COL5A2: variants seen among roughly 807,000 people sequenced by gnomAD.
COL5A2 encodes the protein collagen alpha-2(V) chain.
COL5A2 carries 23 observed loss-of-function variants against 208.2 expected under a neutral mutation model. That is an observed-to-expected ratio of 0.11 (90% CI 0.08 to 0.16). The LOEUF is 0.16. Ranked by LOEUF, COL5A2 falls within the 10% of genes least tolerant of loss-of-function variation. The pLI is 1.00. For missense variants in COL5A2, 1,590 were observed against 1,956.4 expected, an observed-to-expected ratio of 0.81 and a Z score of 3.53; for synonymous variants, 625 against 628.5, an observed-to-expected ratio of 0.99 and a Z score of 0.08.
rs752167216 is a variant in COL5A2 at position 189,064,595 on chromosome 2, G to T, written c.1678C>A (p.Pro560Thr). 6.2e-7 allele frequency: 1 copy of T among 1,613,940 alleles called. No individual in the cohort carries two copies. Among genetic ancestry groups the T allele is most frequent in the South Asian group, 1.1e-5 (1 of 91,078 alleles). Residue 560 changes from proline (P) to threonine (T), a missense_variant, in exon 25 of 54, where the codon CCA (proline) becomes ACA (threonine). Coordinates refer to ENST00000374866, the MANE Select transcript of COL5A2 (RefSeq NM_000393.5). ...AGCCCAGGTTCCCCTGGACGTCCTG[G>T]ATCCCCCTGGCTTCCTTTGGGTCCT... ...SSGPKGSQGDPGRPGEPGLPG... is the reference protein window; with the variant it reads ...SSGPKGSQGDTGRPGEPGLPG...
In COL5A2 at chr2:189,179,578, T is replaced by C. The variant is rs1199682443; in HGVS notation, c.27A>G (p.Arg9=). 1 of 1,608,874 alleles carries C rather than the reference T, an allele frequency of 6.2e-7. No individual in the cohort carries two copies. The highest frequency in any genetic ancestry group is 1.7e-5 in the Admixed American group (1 of 59,550). MMANWAEA[R]PLLILIVLLG... ...ATAAAACAATAAGAATGAGGAGAGG[T>C]CTTGCTTCCGCCCAGTTTGCCATCA... Residue 9 remains arginine, a synonymous_variant, in exon 1 of 54, where the codon AGA becomes AGG. Coordinates refer to ENST00000374866, the MANE Select transcript of COL5A2 (RefSeq NM_000393.5).
At chr2:189,192,585 T>G (rs2105847358) in intron 1 of COL5A2, among the ~76,000 whole-genome samples, 1 of 152,380 alleles carries the variant, frequency 6.6e-6, no homozygotes, top group South Asian at 2.1e-4. Flanking sequence ...TTCTCATTAC[T>G]TATTTTACCT....
intron 16 of COL5A2, among the ~76,000 whole-genome samples, 174 bp from the exon 17 acceptor site, chr2:189,075,611 A>G (rs1255394055): frequency 6.6e-6 from 1 of 152,210 alleles, no homozygotes; most frequent in Admixed American, 6.5e-5. Flanking sequence ...ACAAGCTGAT[A>G]TGGTAGTCAT....
chr2:189,059,571 T>TTTTTTC (rs1685977147), intron 31 of COL5A2, among the ~76,000 whole-genome samples: 1 of 147,662 alleles, frequency 6.8e-6, no homozygotes, highest in Admixed American at 6.8e-5. Flanking sequence ...AAAACCCTTC[T>TTTTTTC]TTTTTCTTTT....
chr2:189,268,187 C>T, the COL5A2 span, among the ~76,000 whole-genome samples: 1 of 152,120 alleles, frequency 6.6e-6, no homozygotes. Flanking sequence ...TTAGTATGAA[C>T]TCTTTGTTTA....
chr2:189,181,821 A>G (rs1027296454), upstream of COL5A2, among the ~76,000 whole-genome samples: 5 of 152,236 alleles, frequency 3.3e-5, no homozygotes, highest in African/African-American at 9.6e-5. Flanking sequence ...AAATTTAACT[A>G]TAAACATGGC....
chr2:189,153,395 T>C (rs1688183373), intron 1 of COL5A2, among the ~76,000 whole-genome samples: 1 of 152,190 alleles, frequency 6.6e-6, no homozygotes, highest in Non-Finnish European at 1.5e-5. Context: ...GCTTACATGA[T>C]TCAGTCAAGA....
chr2:189,161,022 G>T (rs1448576665), intron 1 of COL5A2, among the ~76,000 whole-genome samples: 4 of 151,332 alleles, frequency 2.6e-5, no homozygotes, highest in Non-Finnish European at 5.9e-5. Context: ...TAGAGATGGG[G>T]TTGGTCAGGC....
chr2:189,110,562 C>G (rs1687241049), intron 1 of COL5A2, 113 bp from the exon 2 acceptor site: 1 of 845,164 alleles, frequency 1.2e-6, no homozygotes. Flanking sequence ...AGTAACCTTC[C>G]AAGGAGCCAA....
the COL5A2 span, among the ~76,000 whole-genome samples, chr2:189,347,210 G>T: frequency 6.6e-6 from 1 of 152,142 alleles, no homozygotes; most frequent in Non-Finnish European, 1.5e-5. Flanking sequence ...TGCTTTTTAA[G>T]AAAAGTAAAG....
chr2:189,044,144 A>T (rs1334478112), intron 47 of COL5A2, among the ~76,000 whole-genome samples: 1 of 152,218 alleles, frequency 6.6e-6, no homozygotes, highest in Non-Finnish European at 1.5e-5. Flanking sequence ...TTCCCAAAAG[A>T]TAACTGAATC....
chr2:189,040,542 A>AACC (rs1042124727), intron 50 of COL5A2, among the ~76,000 whole-genome samples: 5 of 152,112 alleles, frequency 3.3e-5, no homozygotes, highest in Admixed American at 6.5e-5. Context: ...TGGGAGCAAG[A>AACC]ACTCTCCAGA....
chr2:189,278,560 T>TTATA, the COL5A2 span, among the ~76,000 whole-genome samples: 1 of 152,104 alleles, frequency 6.6e-6, no homozygotes, highest in Non-Finnish European at 1.5e-5. Context: ...TTAAAATCCA[T>TTATA]TATAAAGAGT....
At chr2:189,372,623 T>C in the COL5A2 span, among the ~76,000 whole-genome samples, 2 of 152,286 alleles carry the variant, frequency 1.3e-5, no homozygotes, top group Non-Finnish European at 2.9e-5. Flanking sequence ...AATGGTAACA[T>C]TTCTGCAAGT....
the COL5A2 span, chr2:189,311,474 G>T: frequency 9.5e-7 from 1 of 1,053,398 alleles, no homozygotes; most frequent in Non-Finnish European, 1.4e-6. Context: ...CTATTCCTGG[G>T]CTTGGTGCTG....
At chr2:189,096,973 G>A (rs922086680) in intron 6 of COL5A2, among the ~76,000 whole-genome samples, 1 of 152,160 alleles carries the variant, frequency 6.6e-6, no homozygotes, top group Non-Finnish European at 1.5e-5. Context: ...GGCAACCACA[G>A]ATCATATAAC....
chr2:189,110,146 G>T, intron 2 of COL5A2, 79 bp downstream of exon 2: 2 of 1,084,500 alleles, frequency 1.8e-6, no homozygotes, highest in Non-Finnish European at 2.9e-6. Context: ...TTGAGTTGCT[G>T]AATGCTGAAA....
intron 53 of COL5A2, among the ~76,000 whole-genome samples, chr2:189,034,681 A>G (rs894816257): frequency 4.6e-5 from 7 of 152,274 alleles, no homozygotes; most frequent in African/African-American, 1.7e-4. Flanking sequence ...AAGTCTGCAG[A>G]AGAACTGGAT....
the COL5A2 span, among the ~76,000 whole-genome samples, chr2:189,342,640 AACACACACACACACACAC>A: frequency 3.5e-5 from 5 of 143,598 alleles, no homozygotes; most frequent in Non-Finnish European, 6.1e-5. Flanking sequence ...AGAGAGCTAA[AACACACACACACACACAC>A]ACACACACAC....
Sources: gnomAD v4.1 joint callset for allele counts (sites outside exome capture counted in the v4.1 genomes callset) on GRCh38, gnomAD v4.1.1 for gene constraint, MANE v1.5 for transcripts, NCBI Gene and HGNC (gene_info 2026-07-23, HGNC 2026-07-21) for gene names.